Variants in BLOC1S3 observed in about 807,000 individuals in gnomAD.
The protein encoded by BLOC1S3 is biogenesis of lysosome-related organelles complex 1 subunit 3.
BLOC1S3 carries 7 observed loss-of-function variants against 9.1 expected under a neutral mutation model. That is an observed-to-expected ratio of 0.77 (90% confidence interval 0.44 to 1.45). The LOEUF (loss-of-function observed/expected upper bound fraction) is 1.45, where lower values mean the gene tolerates loss of function less well. BLOC1S3 is among the 40% of genes most tolerant of loss of function. The pLI is 0.01. For synonymous variants in BLOC1S3, 145 were observed against 158.4 expected, an observed-to-expected ratio of 0.92 and a Z score of 0.64; for missense variants, 307 against 315.2, an observed-to-expected ratio of 0.97 and a Z score of 0.20.
At chr19:45,206,207 A>C (rs1455371785) in intron 3 of BLOC1S3, among the ~76,000 whole-genome samples, 1 of 151,906 alleles carries the variant, frequency 6.6e-6, no homozygotes, top group Non-Finnish European at 1.5e-5. Context: ...TATACCAAAA[A>C]TTAGCTGGGC....
intron 3 of BLOC1S3, among the ~76,000 whole-genome samples, chr19:45,213,772 C>T (rs886288943): frequency 1.3e-5 from 2 of 151,522 alleles, no homozygotes; most frequent in African/African-American, 4.9e-5. Flanking sequence ...TGGCGAAACC[C>T]TCTCTCTACT....
chr19:45,187,112 G>A (rs574603396), upstream of BLOC1S3, among the ~76,000 whole-genome samples: 2 of 152,262 alleles, frequency 1.3e-5, no homozygotes, highest in Admixed American at 6.5e-5. Context: ...GAGGCCAGGA[G>A]GACCAGGCTG....
At position 45,192,318 on chromosome 19, in the gene BLOC1S3, T is replaced by C. The variant is rs1969612323; in HGVS notation, n.180+4578T>C. On this transcript the variant is annotated intron_variant and non_coding_transcript_variant, in intron 2 of 3. Transcript: ENST00000591569. ...GCCTGGGTCTCTCCCTTCAGGGCAG[T>C]GGGCTCCCCTCTGGCCAAAGGTAGG... Among the ~76,000 whole-genome samples, 8 of 152,254 alleles carry C rather than the reference T, an allele frequency of 5.3e-5. No individual in the cohort carries two copies. In the South Asian group the frequency reaches 1.7e-3, roughly 32 times the overall value.
intron 3 of BLOC1S3, among the ~76,000 whole-genome samples, chr19:45,212,348 A>G (rs1184711425): frequency 2.0e-5 from 3 of 152,172 alleles, no homozygotes; most frequent in African/African-American, 7.2e-5. Flanking sequence ...TCCCCACAAC[A>G]CACTCAGGAC....
intron 3 of BLOC1S3, chr19:45,213,392 C>T: frequency 6.2e-7 from 1 of 1,608,050 alleles, no homozygotes; most frequent in Non-Finnish European, 8.5e-7. Context: ...GCATGCAGAT[C>T]CCCAGCTCTA....
intron 3 of BLOC1S3, among the ~76,000 whole-genome samples, chr19:45,214,335 T>C (rs904372276): frequency 6.6e-6 from 1 of 152,182 alleles, no homozygotes; most frequent in Non-Finnish European, 1.5e-5. Context: ...TCTGAGAATG[T>C]GTCTGCCCAA....
rs1252251101 is a variant in BLOC1S3 at position 45,215,120 on chromosome 19, G to A, written n.283-1556G>A. On this transcript the variant is annotated intron_variant and non_coding_transcript_variant, in intron 3 of 3. Transcript: ENST00000591569. Reference sequence around the variant, plus strand: ...GAGATCACTGCACTTCAGCCTGGGCGACAAAGTGAGACTCTGTCTCAAAAA... The same window carrying A: ...GAGATCACTGCACTTCAGCCTGGGCAACAAAGTGAGACTCTGTCTCAAAAA... Among the ~76,000 whole-genome samples the A allele has an allele frequency of 8.6e-5, 13 of 151,894 alleles. No homozygotes were observed. The East Asian group carries it at 1.7e-3, about 20-fold the overall frequency.
chr19:45,214,862 C>T (rs557186048), intron 3 of BLOC1S3, among the ~76,000 whole-genome samples: 21 of 152,058 alleles, frequency 1.4e-4, no homozygotes, highest in African/African-American at 4.8e-4. Context: ...TTAATTATAC[C>T]CCTTACTTAT....
intron 2 of BLOC1S3, among the ~76,000 whole-genome samples, chr19:45,201,232 T>C (rs993228054): frequency 2.0e-5 from 3 of 149,142 alleles, no homozygotes; most frequent in Non-Finnish European, 4.4e-5. Context: ...ATCTTAGAGG[T>C]ACTGCCTCAG....
upstream of BLOC1S3, among the ~76,000 whole-genome samples, chr19:45,186,972 C>T (rs1969570186): frequency 6.6e-6 from 1 of 152,202 alleles, no homozygotes; most frequent in Non-Finnish European, 1.5e-5. Flanking sequence ...GTATAACAGG[C>T]AGTCAGCAGG....
At chr19:45,187,624 A>G (rs898876819) in exon 2 of BLOC1S3, 1 of 152,252 alleles carries the variant, frequency 6.6e-6, no homozygotes, top group Non-Finnish European at 1.5e-5. Context: ...GGGACGCTTG[A>G]GGAAGCTGCT....
At chr19:45,215,590 G>T (rs1013853667) in intron 3 of BLOC1S3, among the ~76,000 whole-genome samples, 6 of 152,246 alleles carry the variant, frequency 3.9e-5, no homozygotes, top group African/African-American at 1.4e-4. Context: ...TGATGATGAT[G>T]ATAAATTTCC....
intron 3 of BLOC1S3, among the ~76,000 whole-genome samples, chr19:45,205,317 C>T (rs1454940004): frequency 6.6e-6 from 1 of 152,050 alleles, no homozygotes; most frequent in South Asian, 2.1e-4. Context: ...AGGTGCCCAC[C>T]ACCACACCCG....
In BLOC1S3 at chr19:45,198,581, G is replaced by A. The variant is rs553243663; in HGVS notation, n.181-3825G>A. ...AGTGCTGGGATTACAGGCGTGAGCC[G>A]CCGCACCCAGCCAACTTCATCACTT... On this transcript the variant is annotated intron_variant and non_coding_transcript_variant, in intron 2 of 3. Transcript: ENST00000591569. 1.2e-4 allele frequency among the ~76,000 whole-genome samples: 18 copies of A among 152,062 alleles called. No individual in the cohort carries two copies. The South Asian group carries it at 2.1e-3, about 18-fold the overall frequency.
At position 45,179,255 on chromosome 19, in the gene BLOC1S3, C is replaced by T. The variant is rs766711955; in HGVS notation, c.-9-33C>T. 2 of 1,492,178 alleles carry T rather than the reference C, an allele frequency of 1.3e-6. No homozygotes were observed. Among genetic ancestry groups the T allele is most frequent in the South Asian group, 2.5e-5 (2 of 79,256 alleles). The allele number at this position is 1,492,178 out of a possible 1,614,324, so 92.4% of individuals were successfully genotyped here. A position where few individuals can be genotyped will look rare whatever the true frequency, so the allele number is the denominator to read the frequency against. On this transcript the variant is annotated intron_variant, in intron 1 of 1. Transcript: ENST00000433642. This position sits in a 1 kb window ranked among gnomAD's most constrained non-coding sequence, Gnocchi z 4.6. ...GCCTTTTACCCACCGCGGCGCCGGTCTCACGTGCAGTCCCTTCGCTCTTCT... is the reference window on the plus strand; with the variant it reads ...GCCTTTTACCCACCGCGGCGCCGGTTTCACGTGCAGTCCCTTCGCTCTTCT...
chr19:45,213,540 C>T (rs980005805), intron 3 of BLOC1S3, among the ~76,000 whole-genome samples: 1 of 152,026 alleles, frequency 6.6e-6, no homozygotes, highest in African/African-American at 2.4e-5. Flanking sequence ...CACCTCATAC[C>T]AGCTCCCTCC....
In BLOC1S3 at chr19:45,179,182, C is replaced by T. The variant is rs1969465856; in HGVS notation, c.-9-106C>T. On this transcript the variant is annotated intron_variant, in intron 1 of 1. Coordinates refer to ENST00000433642, the MANE Select transcript of BLOC1S3 (RefSeq NM_212550.5). The surrounding 1 kb of genome is among the most constrained non-coding windows in gnomAD (Gnocchi z 4.6). ...AGGCCCAGACGGGGAGCAGCTGACA[C>T]CAAGTCGTTAAGAGAATCAGCGAAG... is the stretch of plus-strand genomic sequence containing the variant. 7.7e-7 allele frequency: 1 copy of T among 1,291,820 alleles called. No homozygotes were observed. The highest frequency in any genetic ancestry group is 1.7e-5 in the South Asian group (1 of 57,280). The allele number at this position is 1,291,820 out of a possible 1,614,324, so 80.0% of individuals were successfully genotyped here.
chr19:45,205,166 T>TTG (rs35726807), intron 3 of BLOC1S3, among the ~76,000 whole-genome samples: 178 of 151,182 alleles, frequency 1.2e-3, no homozygotes, highest in Middle Eastern at 6.8e-3. Context: ...CCACAAGAAA[T>TTG]TGTGTGTGTG....
At chr19:45,200,036 G>T (rs1171445304) in intron 2 of BLOC1S3, among the ~76,000 whole-genome samples, 2 of 152,130 alleles carry the variant, frequency 1.3e-5, no homozygotes, top group African/African-American at 4.8e-5. Flanking sequence ...AAAGTGCTGG[G>T]ATTACAGGTA....
Sources: allele counts gnomAD v4.1 joint callset (sites outside exome capture counted in the v4.1 genomes callset), GRCh38; gene constraint gnomAD v4.1.1; non-coding constraint Gnocchi (gnomAD v3.1); transcripts MANE v1.5; gene names NCBI Gene and HGNC (gene_info 2026-07-23, HGNC 2026-07-21).